Variants in NAV3 observed in about 807,000 individuals in gnomAD.
NAV3 encodes the protein pore membrane and/or filament interacting like protein 1.
NAV3 carries 87 observed loss-of-function variants against 244.7 expected under a neutral mutation model. The ratio of observed to expected loss-of-function variants is 0.36; its 90% CI spans 0.30 to 0.42. The LOEUF is 0.42. NAV3 is among the 20% of genes least tolerant of loss of function. The pLI, the probability that NAV3 is intolerant of heterozygous loss-of-function variation, is 1.00. For missense variants in NAV3, 2,663 were observed against 2,893.3 expected (o/e 0.92, Z 1.83); for synonymous variants, 1,126 against 1,042.2 (o/e 1.08, Z -1.55).
intron 2 of NAV3, among the ~76,000 whole-genome samples, chr12:77,738,094 T>G (rs1460234258): frequency 2.0e-5 from 3 of 152,200 alleles, no homozygotes; most frequent in Non-Finnish European, 4.4e-5. Context: ...TTCTTTCTGT[T>G]TGTTTAATAG....
At chr12:77,953,370 C>A (rs1354945190) in intron 3 of NAV3, among the ~76,000 whole-genome samples, 2 of 151,888 alleles carry the variant, frequency 1.3e-5, no homozygotes, top group African/African-American at 4.8e-5. Flanking sequence ...TTGAATATAC[C>A]CTTCTCCATT....
At chr12:77,848,509 A>G (rs553792379) in intron 1 of NAV3, among the ~76,000 whole-genome samples, 2 of 152,246 alleles carry the variant, frequency 1.3e-5, no homozygotes, top group East Asian at 1.9e-4. Context: ...GGAAAAATCT[A>G]TGAGAAGTCC....
chr12:77,921,386 C>T (rs2137175162), intron 1 of NAV3, among the ~76,000 whole-genome samples: 1 of 152,072 alleles, frequency 6.6e-6, no homozygotes, highest in African/African-American at 2.4e-5. Flanking sequence ...TGTTCAAGAA[C>T]AAGGATTAGC....
chr12:78,159,807 T>C (rs1957451144), intron 23 of NAV3, among the ~76,000 whole-genome samples: 1 of 152,180 alleles, frequency 6.6e-6, no homozygotes, highest in African/African-American at 2.4e-5. Context: ...TGCTGGGCAG[T>C]CTATTAATTT....
intron 17 of NAV3, among the ~76,000 whole-genome samples, chr12:78,127,881 T>A (rs1409728804): frequency 6.6e-6 from 1 of 152,066 alleles, no homozygotes; most frequent in Non-Finnish European, 1.5e-5. Context: ...ATTCCATCCA[T>A]AATAAAAAAT....
chr12:77,731,443 C>T (rs902788111), intron 2 of NAV3, among the ~76,000 whole-genome samples: 5 of 151,820 alleles, frequency 3.3e-5, no homozygotes, highest in East Asian at 1.9e-4. Flanking sequence ...TTTTATGATA[C>T]GATATATAAC....
intron 2 of NAV3, among the ~76,000 whole-genome samples, chr12:77,741,135 G>GAAAAAAAAAAAA (rs71088333): frequency 3.3e-5 from 2 of 60,746 alleles, no homozygotes; most frequent in African/African-American, 9.4e-5. Flanking sequence ...AATAGTCAAA[G>GAAAAAAAAAAAA]AAAAAAAAAA....
At position 77,758,762 on chromosome 12, in the gene NAV3, A is replaced by T. The variant is rs529961553; in HGVS notation, c.73-181557A>T. Among the ~76,000 whole-genome samples the T allele has an allele frequency of 1.1e-4, 16 of 152,338 alleles. 1 individual carries two copies. In the South Asian group the frequency reaches 3.3e-3, roughly 32 times the overall value. On this transcript the variant is annotated intron_variant, in intron 2 of 8. Transcript: ENST00000550042. ...ATGAGCTAGAGATAGGGGAGAAATT[A>T]CCTGTTTTTGGAAATAAATGAGAGA...
At chr12:78,185,468 C>A in intron 30 of NAV3, 133 bp from the exon 31 acceptor site, 1 of 681,124 alleles carries the variant, frequency 1.5e-6, no homozygotes. Flanking sequence ...TGAGGCTTTT[C>A]AAATCAGTTA....
intron 30 of NAV3, among the ~76,000 whole-genome samples, chr12:78,183,496 G>T (rs201843534): frequency 6.6e-6 from 1 of 151,898 alleles, no homozygotes; most frequent in African/African-American, 2.4e-5. Context: ...GTAACAATTT[G>T]TTCAAGATCA....
At chr12:77,598,016 C>G (rs1369536460) in intron 2 of NAV3, among the ~76,000 whole-genome samples, 1 of 151,858 alleles carries the variant, frequency 6.6e-6, no homozygotes, top group African/African-American at 2.4e-5. Flanking sequence ...AAAATACATC[C>G]CTAGTAATCA....
intron 9 of NAV3, among the ~76,000 whole-genome samples, chr12:78,047,148 C>A (rs767639257): frequency 1.3e-5 from 2 of 151,930 alleles, no homozygotes; most frequent in Non-Finnish European, 2.9e-5. Context: ...GCTTATGAAG[C>A]TTAGTTTGGC....
chr12:77,748,046 T>TA (rs561371327), intron 2 of NAV3, among the ~76,000 whole-genome samples: 1 of 151,860 alleles, frequency 6.6e-6, no homozygotes, highest in African/African-American at 2.4e-5. Context: ...AAAATAAAAA[T>TA]AAAAAAAATT....
chr12:77,996,401 A>T (rs2136421079), intron 6 of NAV3, among the ~76,000 whole-genome samples: 1 of 152,342 alleles, frequency 6.6e-6, no homozygotes, highest in African/African-American at 2.4e-5. Flanking sequence ...AATCATTTGG[A>T]AAATATTCTA....
chr12:77,869,461 G>A (rs1333287304), intron 1 of NAV3, among the ~76,000 whole-genome samples: 1 of 152,142 alleles, frequency 6.6e-6, no homozygotes, highest in Admixed American at 6.6e-5. Flanking sequence ...TTAAGTAAAT[G>A]AAAATTTGTC....
chr12:77,643,996 G>T (rs1349118692), intron 2 of NAV3, among the ~76,000 whole-genome samples: 1 of 152,086 alleles, frequency 6.6e-6, no homozygotes, highest in East Asian at 1.9e-4. Flanking sequence ...TTATCTTTAA[G>T]TTAATTTGGT....
intron 11 of NAV3, among the ~76,000 whole-genome samples, chr12:78,054,609 G>T (rs1191956156): frequency 6.6e-6 from 1 of 152,114 alleles, no homozygotes; most frequent in Non-Finnish European, 1.5e-5. Flanking sequence ...CATAAGATTA[G>T]AAATATGGTA....
intron 2 of NAV3, among the ~76,000 whole-genome samples, chr12:77,704,603 A>G (rs1875708116): frequency 6.6e-6 from 1 of 152,150 alleles, no homozygotes; most frequent in African/African-American, 2.4e-5. Flanking sequence ...GAGTCTTCAG[A>G]TTTTCCATAG....
At chr12:78,058,310 T>A (rs1424032329) in intron 11 of NAV3, among the ~76,000 whole-genome samples, 2 of 152,130 alleles carry the variant, frequency 1.3e-5, no homozygotes, top group Non-Finnish European at 2.9e-5. Context: ...AAGGGACATA[T>A]TACATGGCAC....
Sources: gnomAD v4.1 joint callset for allele counts (sites outside exome capture counted in the v4.1 genomes callset) on GRCh38, gnomAD v4.1.1 for gene constraint, MANE v1.5 for transcripts, NCBI Gene and HGNC (gene_info 2026-07-23, HGNC 2026-07-21) for gene names.